The following GNAQ variants were observed in gnomAD, a reference collection of about 807,000 sequenced individuals.
The protein encoded by GNAQ is guanine nucleotide-binding protein G(q) subunit alpha.
GNAQ carries 8 observed loss-of-function variants against 43.9 expected under a neutral mutation model. That is an observed-to-expected ratio of 0.18 (90% CI 0.11 to 0.33). GNAQ has a LOEUF of 0.33. Among genes scored for constraint, GNAQ ranks in the 10% least tolerant of loss-of-function variants. The pLI is 1.00. For missense variants in GNAQ, 158 were observed against 450.8 expected, an observed-to-expected ratio of 0.35 and a Z score of 5.88; for synonymous variants, 155 against 170.7, an observed-to-expected ratio of 0.91 and a Z score of 0.71.
At chr9:77,827,723 A>G (rs1308436117) in intron 2 of GNAQ, among the ~76,000 whole-genome samples, 2 of 152,122 alleles carry the variant, frequency 1.3e-5, no homozygotes, top group Non-Finnish European at 2.9e-5. Flanking sequence ...CACCACTTAC[A>G]TACATTTTAA....
chr9:77,897,854 C>T (rs1828528353), intron 2 of GNAQ, among the ~76,000 whole-genome samples: 1 of 151,280 alleles, frequency 6.6e-6, no homozygotes, highest in African/African-American at 2.4e-5. Flanking sequence ...GTCATTCAAA[C>T]CCATTATTTT....
intron 2 of GNAQ, among the ~76,000 whole-genome samples, chr9:77,829,218 T>A (rs1363701013): frequency 6.6e-6 from 1 of 152,232 alleles, no homozygotes; most frequent in Non-Finnish European, 1.5e-5. Context: ...AGTATTACTT[T>A]ATTTGAAGGT....
chr9:77,805,910 T>C (rs1022731887), intron 3 of GNAQ, among the ~76,000 whole-genome samples: 22 of 152,166 alleles, frequency 1.4e-4, no homozygotes, highest in Admixed American at 2.6e-4. Flanking sequence ...AAATTAAATA[T>C]CTCCTAAAAA....
intron 5 of GNAQ, among the ~76,000 whole-genome samples, chr9:77,760,372 G>A (rs1238217712): frequency 1.3e-5 from 2 of 152,110 alleles, no homozygotes; most frequent in African/African-American, 4.8e-5. Flanking sequence ...ACGCCTGACT[G>A]GTTTTCGTAT....
chr9:77,927,669 G>C (rs906960474), intron 1 of GNAQ, among the ~76,000 whole-genome samples: 2 of 151,796 alleles, frequency 1.3e-5, no homozygotes, highest in Non-Finnish European at 2.9e-5. Context: ...TTTTTTTCAA[G>C]GGTCTCTGTT....
At chr9:77,984,803 C>T (rs60501721) in intron 1 of GNAQ, among the ~76,000 whole-genome samples, 61,683 of 151,796 alleles carry the variant, frequency 0.41, 13,282 homozygotes, top group Admixed American at 0.48. Context: ...AGAGAAACTC[C>T]CTGATTCACT....
In GNAQ at chr9:77,719,743, T is replaced by G; in HGVS notation, c.*1580A>C. Reference sequence around the variant, plus strand: ...CTTGTCAATACATGTGCTGTATTTTTTTTGCATTTGTTGAAAAATTGCACA... The same window carrying G: ...CTTGTCAATACATGTGCTGTATTTTGTTTGCATTTGTTGAAAAATTGCACA... On this transcript the variant is annotated 3_prime_UTR_variant, in exon 7 of 7. Transcript: ENST00000286548. 1 of 232,868 alleles carries G rather than the reference T, an allele frequency of 4.3e-6. No individual in the cohort carries two copies. Among genetic ancestry groups the G allele is most frequent in the Non-Finnish European group, 8.5e-6 (1 of 117,792 alleles). 14.4% of individuals were successfully genotyped at this position (232,868 alleles called of 1,614,324 possible). A position where few individuals can be genotyped will look rare whatever the true frequency, so the allele number is the denominator to read the frequency against.
chr9:77,926,056 T>G (rs1157879334), intron 1 of GNAQ, among the ~76,000 whole-genome samples: 1 of 152,188 alleles, frequency 6.6e-6, no homozygotes, highest in Non-Finnish European at 1.5e-5. Context: ...CAATGTTGGT[T>G]GAATCCATGG....
At chr9:77,863,212 A>AAGGAAGGAAGGG (rs1564133727) in intron 2 of GNAQ, among the ~76,000 whole-genome samples, 3 of 145,764 alleles carry the variant, frequency 2.1e-5, no homozygotes, top group East Asian at 3.9e-4. Context: ...GGAAGGAAGG[A>AAGGAAGGAAGGG]AGGAAGGGAG....
chr9:77,758,592 T>C (rs1825939632), intron 5 of GNAQ, among the ~76,000 whole-genome samples: 1 of 152,204 alleles, frequency 6.6e-6, no homozygotes, highest in South Asian at 2.1e-4. Context: ...CCATGTTTCC[T>C]ATTTTCTCCT....
intron 5 of GNAQ, among the ~76,000 whole-genome samples, chr9:77,732,504 T>C (rs1825510545): frequency 6.6e-6 from 1 of 152,042 alleles, no homozygotes; most frequent in South Asian, 2.1e-4. Context: ...TGGCTGGGAC[T>C]ACAGGTGTCC....
intron 1 of GNAQ, among the ~76,000 whole-genome samples, chr9:77,950,831 C>A (rs976817775): frequency 2.6e-5 from 4 of 152,068 alleles, no homozygotes; most frequent in Non-Finnish European, 5.9e-5. Flanking sequence ...ATAAATCAAT[C>A]AATCAATAGG....
chr9:77,863,542 C>T (rs1336313255), intron 2 of GNAQ, among the ~76,000 whole-genome samples: 1 of 152,206 alleles, frequency 6.6e-6, no homozygotes, highest in African/African-American at 2.4e-5. Flanking sequence ...ACTGTTCCCA[C>T]CTCTGCCTAT....
At chr9:77,967,023 T>C (rs1823176267) in intron 1 of GNAQ, among the ~76,000 whole-genome samples, 1 of 152,210 alleles carries the variant, frequency 6.6e-6, no homozygotes, top group African/African-American at 2.4e-5. Flanking sequence ...ACTCATTTCA[T>C]CACTCTCCCC....
intron 1 of GNAQ, among the ~76,000 whole-genome samples, chr9:78,025,455 T>C (rs1415362441): frequency 6.6e-6 from 1 of 152,212 alleles, no homozygotes; most frequent in African/African-American, 2.4e-5. Flanking sequence ...TCGCACATTT[T>C]ACCTTCTATT....
chr9:77,867,137 G>T (rs1359614474), intron 2 of GNAQ, among the ~76,000 whole-genome samples: 1 of 151,978 alleles, frequency 6.6e-6, no homozygotes, highest in African/African-American at 2.4e-5. Flanking sequence ...CCATCTCTTT[G>T]CCTGAGCATC....
intron 5 of GNAQ, among the ~76,000 whole-genome samples, chr9:77,785,754 A>G (rs901612176): frequency 2.0e-5 from 3 of 152,212 alleles, no homozygotes; most frequent in African/African-American, 7.2e-5. Context: ...TCAATTAGAT[A>G]GTTTGTTATA....
At chr9:77,727,749 A>T (rs1214996920) in intron 6 of GNAQ, among the ~76,000 whole-genome samples, 1 of 152,158 alleles carries the variant, frequency 6.6e-6, no homozygotes, top group Non-Finnish European at 1.5e-5. Context: ...GGCCCAGAAA[A>T]ATCAAGTGAC....
chr9:77,838,205 G>A lies in GNAQ; in HGVS notation c.322-22435C>T, dbSNP rs539371412. Among the ~76,000 whole-genome samples the A allele has an allele frequency of 1.5e-4, 22 of 144,594 alleles. No individual in the cohort carries two copies. The East Asian group carries it at 2.2e-3, about 15-fold the overall frequency. The allele number at this position is 144,594 out of a possible 152,430, so 94.9% of individuals were successfully genotyped here. On this transcript the variant is annotated intron_variant, in intron 2 of 6. Transcript: ENST00000286548. ...GTTGCCCAAGCTGGAGTGCAATGGC[G>A]CAATCTTGAGTCACCGCAACCTCCA...
Sources: allele counts gnomAD v4.1 joint callset (sites outside exome capture counted in the v4.1 genomes callset), GRCh38; gene constraint gnomAD v4.1.1; transcripts MANE v1.5; gene names NCBI Gene and HGNC (gene_info 2026-07-23, HGNC 2026-07-21).